Variants in SCN11A observed in about 807,000 individuals in gnomAD.
SCN11A encodes the protein sodium voltage-gated channel alpha subunit 11.
Under a neutral mutation model 162.2 loss-of-function variants are expected in SCN11A, and 122 were observed. The observed-to-expected ratio is 0.75, with a 90% confidence interval of 0.65 to 0.87. The LOEUF (loss-of-function observed/expected upper bound fraction) is 0.87. Among genes scored for constraint, SCN11A ranks in the 40% least tolerant of loss-of-function variants. SCN11A has a pLI of 0.00. For missense variants in SCN11A, 2,015 were observed against 2,181.6 expected, an observed-to-expected ratio of 0.92 and a Z score of 1.52; for synonymous variants, 758 against 751.5, an observed-to-expected ratio of 1.01 and a Z score of -0.14.
intron 2 of SCN11A, among the ~76,000 whole-genome samples, chr3:39,024,595 T>A (rs1304281229): frequency 2.0e-5 from 3 of 152,138 alleles, no homozygotes; most frequent in Non-Finnish European, 4.4e-5. Context: ...CCAAAGCCAG[T>A]CATAAAACCA....
chr3:39,006,806 A>G (rs771682732), intron 2 of SCN11A, among the ~76,000 whole-genome samples: 18 of 152,100 alleles, frequency 1.2e-4, no homozygotes, highest in Non-Finnish European at 2.2e-4. Flanking sequence ...TGTCTCAGAA[A>G]AACCAAAACC....
chr3:38,998,524 G>A (rs1344761354), intron 2 of SCN11A, among the ~76,000 whole-genome samples: 2 of 152,138 alleles, frequency 1.3e-5, no homozygotes, highest in East Asian at 1.9e-4. Context: ...TCTACAACTA[G>A]AAATACCATT....
chr3:38,924,760 T>C (rs1355967692), intron 9 of SCN11A, among the ~76,000 whole-genome samples: 1 of 151,996 alleles, frequency 6.6e-6, no homozygotes, highest in East Asian at 1.9e-4. Context: ...CTCCCCACCT[T>C]GGCCTCCCAA....
intron 2 of SCN11A, among the ~76,000 whole-genome samples, chr3:39,029,359 AC>A (rs1434316889): frequency 1.1e-4 from 17 of 152,262 alleles, no homozygotes; most frequent in Admixed American, 1.0e-3. Context: ...GCAATTTAAA[AC>A]CACTTATTTT....
intron 5 of SCN11A, 24 bp downstream of exon 5, chr3:38,950,069 ACCC>A (rs375995524): frequency 6.0e-5 from 4 of 66,176 alleles, no homozygotes; most frequent in Non-Finnish European, 9.2e-5. Context: ...CCCCACCCCC[ACCC>A]CCCCCCCCCG....
intron 19 of SCN11A, among the ~76,000 whole-genome samples, chr3:38,889,034 T>C (rs1301022530): frequency 6.6e-6 from 1 of 152,134 alleles, no homozygotes; most frequent in Non-Finnish European, 1.5e-5. Context: ...AAAAAAGATA[T>C]TGAGCCTTTT....
chr3:39,020,276 T>C (rs1194313691), intron 2 of SCN11A, among the ~76,000 whole-genome samples: 1 of 152,242 alleles, frequency 6.6e-6, no homozygotes, highest in Admixed American at 6.5e-5. Flanking sequence ...TACTCACTGA[T>C]ACTTGAAAGA....
chr3:38,900,051 G>A lies in SCN11A; in HGVS notation c.1865C>T (p.Ala622Val), dbSNP rs766907203. 3 of 1,613,776 alleles carry A rather than the reference G, an allele frequency of 1.9e-6. No individual in the cohort carries two copies. The highest frequency in any genetic ancestry group is 1.3e-5 in the African/African-American group (1 of 74,880). The change falls in exon 17 of 30, where the codon GCA (alanine) becomes GTA (valine). Residue 622 changes from alanine (A) to valine (V), a missense_variant. Ala to Val is a moderately conservative substitution (Grantham distance 64). Coordinates refer to ENST00000302328, the MANE Select transcript of SCN11A (RefSeq NM_001349253.2). ...GNLVFTSIFI[A>V]EMCLKIIALD... is the part of the protein sequence containing the mutation. ...CGCAATGATTTTTAGGCACATTTCTGCTATAAAAATGCTAGTGAAAACCTA... is the reference window on the plus strand; with the variant it reads ...CGCAATGATTTTTAGGCACATTTCTACTATAAAAATGCTAGTGAAAACCTA...
chr3:38,955,593 T>C (rs2066671290), intron 3 of SCN11A, among the ~76,000 whole-genome samples: 1 of 152,226 alleles, frequency 6.6e-6, no homozygotes, highest in African/African-American at 2.4e-5. Context: ...ACCCTTATGG[T>C]GAAATTTGTA....
intron 1 of SCN11A, among the ~76,000 whole-genome samples, chr3:39,037,907 G>A (rs754079162): frequency 6.6e-6 from 1 of 152,166 alleles, no homozygotes; most frequent in African/African-American, 2.4e-5. Context: ...AGGTGTCAAG[G>A]CTTCTTACAT....
In SCN11A at chr3:38,847,780, G is replaced by C. The variant is rs778913894; in HGVS notation, c.4328-38C>G. On this transcript the variant is annotated intron_variant, in intron 29 of 29. Coordinates refer to ENST00000302328, the MANE Select transcript of SCN11A (RefSeq NM_001349253.2). ...AGAAAAGTAAATAAGTTTCCAGAAG[G>C]CACACTGGTTTCAGATCCAGCCTGT... is the stretch of plus-strand genomic sequence containing the variant. The C allele has an allele frequency of 9.6e-6, 13 of 1,353,312 alleles. No individual in the cohort carries two copies. In the Admixed American group the frequency reaches 1.6e-4, roughly 17 times the overall value. 83.8% of individuals were successfully genotyped at this position (1,353,312 alleles called of 1,614,324 possible).
At chr3:38,887,918 A>G (rs2126110735) in intron 19 of SCN11A, among the ~76,000 whole-genome samples, 1 of 152,344 alleles carries the variant, frequency 6.6e-6, no homozygotes, top group African/African-American at 2.4e-5. Flanking sequence ...ATACACACAC[A>G]TACAAATATA....
intron 2 of SCN11A, among the ~76,000 whole-genome samples, chr3:38,995,921 G>A (rs1335747621): frequency 6.6e-6 from 1 of 152,044 alleles, no homozygotes; most frequent in Non-Finnish European, 1.5e-5. Context: ...GATGTATATA[G>A]AGATAAGGAC....
intron 23 of SCN11A, among the ~76,000 whole-genome samples, chr3:38,878,168 T>TAATAAATA (rs71085341): frequency 0.51 from 75,714 of 148,120 alleles, 19,792 homozygotes; most frequent in African/African-American, 0.6. Flanking sequence ...TATTGAAATA[T>TAATAAATA]AATAAATAAA....
chr3:38,969,775 G>A (rs111547526), intron 2 of SCN11A, among the ~76,000 whole-genome samples: 12 of 152,234 alleles, frequency 7.9e-5, no homozygotes, highest in African/African-American at 2.7e-4. Flanking sequence ...AGTTCAAGCT[G>A]AGAAGCAGCA....
intron 1 of SCN11A, among the ~76,000 whole-genome samples, chr3:39,049,862 C>A (rs1016329255): frequency 1.3e-4 from 20 of 152,180 alleles, no homozygotes; most frequent in African/African-American, 4.8e-4. Context: ...TCCTCTGACC[C>A]TGAATTGACC....
At chr3:38,908,906 G>T in intron 13 of SCN11A, 91 bp downstream of exon 13, 1 of 1,087,520 alleles carries the variant, frequency 9.2e-7, no homozygotes, top group Non-Finnish European at 1.4e-6. Context: ...ACCAGGCCAA[G>T]GGTGGCAGCC....
chr3:38,902,070 T>C (rs55756917), intron 16 of SCN11A, among the ~76,000 whole-genome samples: 2,421 of 152,296 alleles, frequency 0.016, 68 homozygotes, highest in African/African-American at 0.056. Context: ...ACCACTGCAA[T>C]TGGGAAGCCC....
Position 39,051,892 on chromosome 3 carries a change from T to A in SCN11A, c.-435A>T, listed in dbSNP as rs2032398092. On this transcript the variant is annotated 5_prime_UTR_variant, in exon 1 of 30. Transcript: ENST00000302328. ...ACATGGCTACCGGCCACACAGCAACTAACAGCACCGAGGAAACACAACAGC... is the reference window on the plus strand; with the variant it reads ...ACATGGCTACCGGCCACACAGCAACAAACAGCACCGAGGAAACACAACAGC... 8.2e-6 allele frequency: 9 copies of A among 1,094,110 alleles called. No homozygotes were observed. The highest frequency in any genetic ancestry group is 1.2e-5 in the Non-Finnish European group (9 of 739,436). 67.8% of individuals were successfully genotyped at this position (1,094,110 alleles called of 1,614,324 possible).
Sources: allele counts gnomAD v4.1 joint callset (sites outside exome capture counted in the v4.1 genomes callset), GRCh38; gene constraint gnomAD v4.1.1; transcripts MANE v1.5; gene names NCBI Gene and HGNC (gene_info 2026-07-23, HGNC 2026-07-21).